Variants in TMEM44 observed in about 807,000 individuals in gnomAD.
The protein encoded by TMEM44 is transmembrane protein 44.
A neutral mutation model predicts 47.8 loss-of-function variants in TMEM44; 43 were observed. The observed-to-expected ratio is 0.90, with a 90% CI of 0.70 to 1.16. TMEM44 has a LOEUF of 1.16. Among genes scored for constraint, TMEM44 ranks in the 50% most tolerant of loss-of-function variants. The pLI is 0.00. For missense variants in TMEM44, 568 were observed against 555.2 expected (o/e 1.02, Z -0.23); for synonymous variants, 277 against 238.8 (o/e 1.16, Z -1.48).
At chr3:194,594,708 G>A (rs1034076189) in intron 9 of TMEM44, among the ~76,000 whole-genome samples, 2 of 151,470 alleles carry the variant, frequency 1.3e-5, no homozygotes, top group African/African-American at 4.8e-5. Flanking sequence ...AAATGCCGAT[G>A]ATATAAAGGA....
chr3:194,632,819 A>T (rs372390627), intron 1 of TMEM44: 4 of 492,032 alleles, frequency 8.1e-6, no homozygotes, highest in African/African-American at 4.1e-5. Context: ...AATAGCACCC[A>T]GGGCTCGCGG....
intron 9 of TMEM44, among the ~76,000 whole-genome samples, chr3:194,601,129 T>C (rs915140365): frequency 7.9e-5 from 12 of 151,992 alleles, no homozygotes; most frequent in Non-Finnish European, 1.3e-4. Context: ...TGACCCTGTC[T>C]TCTTGGAATT....
At chr3:194,631,644 C>A (rs1030762192) in intron 1 of TMEM44, among the ~76,000 whole-genome samples, 3 of 152,156 alleles carry the variant, frequency 2.0e-5, no homozygotes, top group Non-Finnish European at 2.9e-5. Context: ...AAAACTGAGG[C>A]CTCTGGTGAG....
At chr3:194,595,531 C>T in intron 9 of TMEM44, among the ~76,000 whole-genome samples, 1 of 152,118 alleles carries the variant, frequency 6.6e-6, no homozygotes. Flanking sequence ...GTGACATCTC[C>T]ACAGTCTTGG....
chr3:194,615,738 G>T (rs750087285), intron 6 of TMEM44, 41 bp from the exon 7 acceptor site: 1 of 1,607,426 alleles, frequency 6.2e-7, no homozygotes, highest in Non-Finnish European at 8.5e-7. Context: ...GAATATTCCA[G>T]CTGCCTAGCG....
At chr3:194,625,328 C>G (rs1431375917) in intron 3 of TMEM44, among the ~76,000 whole-genome samples, 6 of 152,150 alleles carry the variant, frequency 3.9e-5, no homozygotes, top group Admixed American at 3.9e-4. Context: ...CTCTAGTGCC[C>G]CATGCTTCCT....
chr3:194,604,201 C>T, intron 9 of TMEM44, 86 bp downstream of exon 9: 3 of 1,491,412 alleles, frequency 2.0e-6, no homozygotes, highest in Non-Finnish European at 2.7e-6. Context: ...AAGATGAGAA[C>T]AGCTGCACAA....
At chr3:194,609,995 G>A (rs754103645) in intron 8 of TMEM44, among the ~76,000 whole-genome samples, 2 of 152,108 alleles carry the variant, frequency 1.3e-5, no homozygotes, top group Non-Finnish European at 2.9e-5. Flanking sequence ...TTGGGAGGCC[G>A]AGGCCAGCAG....
intron 9 of TMEM44, among the ~76,000 whole-genome samples, chr3:194,597,947 C>T (rs1240902724): frequency 1.3e-5 from 2 of 152,210 alleles, no homozygotes; most frequent in African/African-American, 4.8e-5. Flanking sequence ...GCACGGGACT[C>T]TGAGCTCAGG....
intron 6 of TMEM44, chr3:194,616,341 C>T (rs546147100): frequency 2.6e-5 from 8 of 305,342 alleles, no homozygotes; most frequent in South Asian, 1.1e-4. Context: ...CGTGAGCCAC[C>T]GTGCCCGGCC....
intron 9 of TMEM44, among the ~76,000 whole-genome samples, chr3:194,600,233 G>A (rs1713921813): frequency 6.6e-6 from 1 of 152,074 alleles, no homozygotes; most frequent in Non-Finnish European, 1.5e-5. Flanking sequence ...CTGGGACTAT[G>A]GGCTTGTACC....
intron 9 of TMEM44, among the ~76,000 whole-genome samples, chr3:194,599,847 C>A (rs1713869903): frequency 7.0e-6 from 1 of 143,364 alleles, no homozygotes; most frequent in Non-Finnish European, 1.5e-5. Flanking sequence ...GCAACCTCCG[C>A]CTCCCGAGTT....
chr3:194,627,910 C>T (rs1467840223), intron 2 of TMEM44, among the ~76,000 whole-genome samples: 3 of 152,034 alleles, frequency 2.0e-5, no homozygotes, highest in African/African-American at 4.8e-5. Context: ...ACCCAGGAGA[C>T]GGAGGCTGCA....
rs1484301999 is a variant in TMEM44 at position 194,594,125 on chromosome 3, A to ATCTGTCTGTCTGTCTGTCTG, written c.1177-5487_1177-5486insCAGACAGACAGACAGACAGA. ...CAGCACCTGGCCTAATTTTCTATCT[A>ATCTGTCTGTCTGTCTGTCTG]TCTATCTATCTATCTATCTATCTAT... On this transcript the variant is annotated intron_variant, in intron 9 of 9. Coordinates refer to ENST00000347147, the MANE Select transcript of TMEM44 (RefSeq NM_001011655.3). Among the ~76,000 whole-genome samples the ATCTGTCTGTCTGTCTGTCTG allele has an allele frequency of 2.9e-3, 269 of 91,818 alleles. 1 individual carries two copies. Among genetic ancestry groups the ATCTGTCTGTCTGTCTGTCTG allele is most frequent in the East Asian group, 0.01 (15 of 1,484 alleles). 60.2% of individuals were successfully genotyped at this position (91,818 alleles called of 152,430 possible). A position where few individuals can be genotyped will look rare whatever the true frequency, so the allele number is the denominator to read the frequency against.
chr3:194,623,837 C>T (rs1382437961), intron 3 of TMEM44, 142 bp from the exon 4 acceptor site: 2 of 1,081,346 alleles, frequency 1.8e-6, no homozygotes, highest in African/African-American at 3.1e-5. Context: ...AGCTCCTCCC[C>T]ACCCTTCAGG....
intron 8 of TMEM44, among the ~76,000 whole-genome samples, chr3:194,608,679 G>C (rs1321580635): frequency 6.6e-6 from 1 of 152,184 alleles, no homozygotes; most frequent in South Asian, 2.1e-4. Context: ...CTGGGCAGAG[G>C]AATGGAGAGA....
intron 5 of TMEM44, chr3:194,617,749 T>A: frequency 2.8e-6 from 2 of 703,796 alleles, no homozygotes; most frequent in Non-Finnish European, 5.2e-6. Context: ...TCATGTTGAG[T>A]CGTAATCCCC....
intron 8 of TMEM44, among the ~76,000 whole-genome samples, chr3:194,606,791 C>T (rs992820308): frequency 1.3e-5 from 2 of 151,586 alleles, no homozygotes; most frequent in Non-Finnish European, 2.9e-5. Flanking sequence ...AATACACACA[C>T]ACAAAATAGC....
intron 5 of TMEM44, 30 bp from the exon 6 acceptor site, chr3:194,617,299 G>GGGGGGGGC: frequency 5.3e-5 from 33 of 619,464 alleles, no homozygotes; most frequent in Middle Eastern, 3.5e-4. Context: ...GGCTGGGCGG[G>GGGGGGGGC]AGAAGCAGCA....
Sources: allele counts gnomAD v4.1 joint callset (sites outside exome capture counted in the v4.1 genomes callset), GRCh38; gene constraint gnomAD v4.1.1; transcripts MANE v1.5; gene names NCBI Gene and HGNC (gene_info 2026-07-23, HGNC 2026-07-21).